Variants in PSMD1 observed in about 807,000 individuals in gnomAD.
PSMD1 encodes proteasome 26S subunit, non-ATPase 1.
PSMD1 carries 18 observed loss-of-function variants against 119.0 expected under a neutral mutation model. The observed-to-expected ratio is 0.15, with a 90% CI of 0.10 to 0.22. PSMD1 has a LOEUF of 0.22. PSMD1 is among the 10% of genes least tolerant of loss of function. The probability of loss-of-function intolerance (pLI) is 1.00; values close to 1 mark genes in which losing one functional copy is unlikely to be tolerated. For missense variants in PSMD1, 702 were observed against 1,158.5 expected (o/e 0.61, Z 5.72); for synonymous variants, 374 against 396.6 (o/e 0.94, Z 0.68).
At chr2:231,129,171 A>G (rs981811307) in intron 16 of PSMD1, among the ~76,000 whole-genome samples, 1 of 152,234 alleles carries the variant, frequency 6.6e-6, no homozygotes, top group African/African-American at 2.4e-5. Flanking sequence ...TTGAGAATCA[A>G]AGTACATTTA....
At chr2:231,150,201 G>A (rs1574771410) in intron 18 of PSMD1, among the ~76,000 whole-genome samples, 2 of 151,952 alleles carry the variant, frequency 1.3e-5, no homozygotes, top group African/African-American at 2.4e-5. Flanking sequence ...AAAAAAATTA[G>A]CTGAGTGTGG....
chr2:231,108,262 CTTTA>C (rs1286757803), intron 16 of PSMD1: 3 of 367,094 alleles, frequency 8.2e-6, no homozygotes, highest in South Asian at 4.1e-5. Flanking sequence ...ATTGATTTGA[CTTTA>C]TTTCATTCGA....
chr2:231,089,594 GATATATAT>G (rs140932102), intron 16 of PSMD1, among the ~76,000 whole-genome samples: 7 of 143,124 alleles, frequency 4.9e-5, no homozygotes, highest in African/African-American at 1.3e-4. Context: ...GAATTAATAG[GATATATAT>G]ATATATATAT....
In PSMD1 at chr2:231,067,124, T is replaced by C. The variant is rs1693927897; in HGVS notation, c.510+13T>C. 2 of 1,544,508 alleles carry C rather than the reference T, an allele frequency of 1.3e-6. No homozygotes were observed. Among genetic ancestry groups the C allele is most frequent in the Non-Finnish European group, 1.7e-6 (2 of 1,147,272 alleles). On this transcript the variant is annotated intron_variant, in intron 5 of 24. Coordinates refer to ENST00000308696, the MANE Select transcript of PSMD1 (RefSeq NM_002807.4). The stretch of plus-strand genomic sequence containing the variant: ...CATACTGGAGTCGGTAGGTAGATGA[T>C]GTTATTTTAGAAATTATTGTTGATA...
chr2:231,152,930 T>C (rs1696403459), intron 18 of PSMD1, among the ~76,000 whole-genome samples: 1 of 152,164 alleles, frequency 6.6e-6, no homozygotes, highest in Non-Finnish European at 1.5e-5. Flanking sequence ...ATAAAAATAA[T>C]ACATATTAAT....
chr2:231,143,020 A>T (rs1696164579), intron 17 of PSMD1, among the ~76,000 whole-genome samples: 4 of 152,144 alleles, frequency 2.6e-5, no homozygotes. Flanking sequence ...CATCCTACCA[A>T]ATTAAGAAAT....
intron 23 of PSMD1, among the ~76,000 whole-genome samples, chr2:231,166,351 G>A (rs1165077127): frequency 1.3e-5 from 2 of 152,098 alleles, no homozygotes; most frequent in African/African-American, 4.8e-5. Context: ...AGTGACCTTA[G>A]GCCAGGTACT....
intron 17 of PSMD1, among the ~76,000 whole-genome samples, chr2:231,139,367 G>A (rs1696050239): frequency 8.4e-6 from 1 of 119,658 alleles, no homozygotes; most frequent in Admixed American, 1.1e-4. Context: ...TGCTTGGGCT[G>A]AAGTGCAGTG....
At chr2:231,084,165 A>G (rs886638778) in intron 14 of PSMD1, among the ~76,000 whole-genome samples, 5 of 152,084 alleles carry the variant, frequency 3.3e-5, no homozygotes, top group South Asian at 2.1e-4. Context: ...CCTGGCCAAC[A>G]TGGTGAAACC....
At chr2:231,084,537 G>A (rs1347743077) in intron 14 of PSMD1, among the ~76,000 whole-genome samples, 3 of 151,764 alleles carry the variant, frequency 2.0e-5, no homozygotes, top group East Asian at 1.9e-4. Flanking sequence ...GGTAGTTAGT[G>A]GCAGGTAATA....
At chr2:231,126,925 C>A (rs764083883) in intron 16 of PSMD1, among the ~76,000 whole-genome samples, 7 of 151,888 alleles carry the variant, frequency 4.6e-5, no homozygotes, top group Non-Finnish European at 7.4e-5. Flanking sequence ...ATAGTTGAGT[C>A]TCAGCAAATA....
intron 12 of PSMD1, among the ~76,000 whole-genome samples, chr2:231,081,268 A>G (rs1006997265): frequency 6.6e-6 from 1 of 152,172 alleles, no homozygotes; most frequent in South Asian, 2.1e-4. Context: ...GGTCTCAGGT[A>G]AAAACTTTCT....
intron 4 of PSMD1, among the ~76,000 whole-genome samples, chr2:231,064,293 A>T (rs1268391227): frequency 6.6e-6 from 1 of 152,242 alleles, no homozygotes; most frequent in African/African-American, 2.4e-5. Flanking sequence ...CTTAATGAAT[A>T]TCGTAAACAG....
At chr2:231,078,929 G>A (rs1418938207) in intron 10 of PSMD1, among the ~76,000 whole-genome samples, 182 bp downstream of exon 10, 2 of 151,516 alleles carry the variant, frequency 1.3e-5, no homozygotes, top group African/African-American at 4.9e-5. Flanking sequence ...CAAGTAGCTG[G>A]GATTACAGGC....
At chr2:231,059,382 GTTCA>G (rs1480064129) in intron 1 of PSMD1, among the ~76,000 whole-genome samples, 2 of 152,192 alleles carry the variant, frequency 1.3e-5, no homozygotes, top group Non-Finnish European at 2.9e-5. Context: ...TAGTCAGTTT[GTTCA>G]TTCATTTATT....
chr2:231,152,621 C>A (rs1007458730), intron 18 of PSMD1, among the ~76,000 whole-genome samples: 4 of 151,970 alleles, frequency 2.6e-5, no homozygotes, highest in Admixed American at 2.6e-4. Context: ...CAGACCAAGA[C>A]AAATGAAAAG....
At chr2:231,153,716 A>G in intron 19 of PSMD1, 50 bp downstream of exon 19, 1 of 1,235,446 alleles carries the variant, frequency 8.1e-7, no homozygotes, top group South Asian at 1.3e-5. Flanking sequence ...TAAATCTAAT[A>G]AAATAACTAT....
chr2:231,103,526 A>G (rs1015143329), intron 16 of PSMD1, among the ~76,000 whole-genome samples: 1 of 152,218 alleles, frequency 6.6e-6, no homozygotes, highest in African/African-American at 2.4e-5. Context: ...TTGTCAAAAG[A>G]TCTGCCACAG....
intron 16 of PSMD1, among the ~76,000 whole-genome samples, chr2:231,106,707 G>C (rs993018697): frequency 3.3e-5 from 5 of 152,130 alleles, no homozygotes; most frequent in African/African-American, 1.2e-4. Flanking sequence ...AATTCTGTAG[G>C]TGTGCGTATA....
Sources: gnomAD v4.1 joint callset for allele counts (sites outside exome capture counted in the v4.1 genomes callset) on GRCh38, gnomAD v4.1.1 for gene constraint, MANE v1.5 for transcripts, NCBI Gene and HGNC (gene_info 2026-07-23, HGNC 2026-07-21) for gene names.